The following BIRC6 variants were observed in gnomAD, a reference collection of about 807,000 sequenced individuals.
The protein encoded by BIRC6 is dual E2 ubiquitin-conjugating enzyme/E3 ubiquitin-protein ligase BIRC6.
BIRC6 carries 98 observed loss-of-function variants against 503.3 expected under a neutral mutation model. The ratio of observed to expected loss-of-function variants is 0.19; its 90% CI spans 0.17 to 0.23. The LOEUF (loss-of-function observed/expected upper bound fraction) is 0.23. Among genes scored for constraint, BIRC6 ranks in the 10% least tolerant of loss-of-function variants. BIRC6 has a pLI of 1.00. For missense variants in BIRC6, 5,360 were observed against 5,806.0 expected (o/e 0.92, Z 2.50); for synonymous variants, 2,240 against 2,078.7 (o/e 1.08, Z -2.11).
At chr2:32,472,950 T>G in intron 32 of BIRC6, 162 bp from the exon 33 acceptor site, 2 of 586,800 alleles carry the variant, frequency 3.4e-6, no homozygotes, top group Non-Finnish European at 5.8e-6. Context: ...CCAGTCTTTA[T>G]AGAATCAGAT....
At chr2:32,550,113 A>G (rs969065784) in intron 65 of BIRC6, among the ~76,000 whole-genome samples, 1 of 152,192 alleles carries the variant, frequency 6.6e-6, no homozygotes, top group African/African-American at 2.4e-5. Context: ...AGCAGTTAAC[A>G]TCTATTTCTT....
intron 66 of BIRC6, among the ~76,000 whole-genome samples, chr2:32,580,913 T>C (rs1474844899): frequency 6.6e-6 from 1 of 152,226 alleles, no homozygotes; most frequent in African/African-American, 2.4e-5. Context: ...TATTGGCAAC[T>C]GCAGATTTAT....
intron 10 of BIRC6, among the ~76,000 whole-genome samples, chr2:32,422,271 C>G (rs561896362): frequency 2.0e-5 from 3 of 152,120 alleles, no homozygotes; most frequent in Non-Finnish European, 4.4e-5. Flanking sequence ...TGACTTTACG[C>G]TTAAGGTAAT....
chr2:32,560,636 A>C lies in BIRC6; in HGVS notation c.13144+11155A>C, dbSNP rs571129154. On this transcript the variant is annotated intron_variant, in intron 65 of 73. Transcript: ENST00000421745. ...TTCTCTGCCACCCGGGCTGGAGTGC[A>C]GTGGTGTGCTCATAGGGCACTGCAG... is the stretch of plus-strand genomic sequence containing the variant. 3.3e-5 allele frequency among the ~76,000 whole-genome samples: 5 copies of C among 152,228 alleles called. No homozygotes were observed. The East Asian group carries it at 5.8e-4, about 18-fold the overall frequency.
intron 65 of BIRC6, among the ~76,000 whole-genome samples, chr2:32,568,296 G>A (rs1202201069): frequency 1.3e-5 from 2 of 150,688 alleles, no homozygotes; most frequent in African/African-American, 4.9e-5. Context: ...TTCGAGACCA[G>A]CCTGGGCAAC....
intron 1 of BIRC6, among the ~76,000 whole-genome samples, chr2:32,360,266 T>C (rs1038739531): frequency 2.0e-5 from 3 of 152,222 alleles, no homozygotes; most frequent in Non-Finnish European, 4.4e-5. Context: ...TGTATGTATA[T>C]GTATTGAGTG....
At chr2:32,436,292 G>A (rs767729239) in intron 15 of BIRC6, 108 bp downstream of exon 15, 133 of 1,059,640 alleles carry the variant, frequency 1.3e-4, no homozygotes, top group Middle Eastern at 1.2e-3. Context: ...TGGGACTTTC[G>A]TTCGAAATTT....
chr2:32,441,587 T>C (rs1437733507), intron 17 of BIRC6, 125 bp downstream of exon 17: 9 of 840,146 alleles, frequency 1.1e-5, no homozygotes, highest in Non-Finnish European at 1.6e-5. Context: ...TTTTCTTAAA[T>C]AATTATAATT....
chr2:32,595,014 C>T lies in BIRC6; in HGVS notation c.13502-20C>T, dbSNP rs1417891090. On this transcript the variant is annotated intron_variant, in intron 67 of 73. Transcript: ENST00000421745. Reference sequence around the variant, plus strand: ...TACTTAAAATGTATATGTTATTTATCTTGAAATATTAAATAACAGAAAAAA... The same window carrying T: ...TACTTAAAATGTATATGTTATTTATTTTGAAATATTAAATAACAGAAAAAA... The T allele has an allele frequency of 1.4e-6, 2 of 1,381,786 alleles. No individual in the cohort carries two copies. The highest frequency in any genetic ancestry group is 2.1e-5 in the Admixed American group (1 of 47,716). 85.6% of individuals were successfully genotyped at this position (1,381,786 alleles called of 1,614,324 possible).
In BIRC6 at chr2:32,518,368, G is replaced by C; in HGVS notation, c.11464G>C (p.Val3822Leu). The C allele has an allele frequency of 1.2e-6, 2 of 1,609,470 alleles. No homozygotes were observed. The highest frequency in any genetic ancestry group is 1.7e-6 in the Non-Finnish European group (2 of 1,178,902). ...FLQLMLEDEK[V>L]TMFLQSPCPL... is the part of the protein sequence containing the mutation. Reference sequence around the variant, plus strand: ...ACAGTTGATGCTGGAAGATGAGAAAGTGACAATGTTTCTTCAGTCTCCATG... The same window carrying C: ...ACAGTTGATGCTGGAAGATGAGAAACTGACAATGTTTCTTCAGTCTCCATG... Residue 3822 changes from valine (V) to leucine (L), a missense_variant, in exon 56 of 74, where the codon GTG becomes CTG. Transcript: ENST00000421745.
intron 65 of BIRC6, chr2:32,563,782 G>A (rs1450052531): frequency 6.6e-6 from 1 of 151,704 alleles, no homozygotes; most frequent in African/African-American, 2.4e-5. Context: ...ACCTCATAAA[G>A]AACCCTGTAC....
At chr2:32,464,949 T>A in intron 25 of BIRC6, 116 bp from the exon 26 acceptor site, 1 of 1,349,718 alleles carries the variant, frequency 7.4e-7, no homozygotes, top group Non-Finnish European at 1.0e-6. Flanking sequence ...TTATAAAATA[T>A]TACAGTACAT....
At chr2:32,474,084 TGTAAGAAGA>T (rs2049434809) in intron 33 of BIRC6, among the ~76,000 whole-genome samples, 1 of 152,118 alleles carries the variant, frequency 6.6e-6, no homozygotes, top group Non-Finnish European at 1.5e-5. Context: ...TGCTTTAAGA[TGTAAGAAGA>T]TTCTATATGA....
Position 32,597,863 on chromosome 2 carries a change from T to C in BIRC6, c.13725T>C (p.Ala4575=). 1.9e-6 allele frequency: 3 copies of C among 1,613,896 alleles called. No individual in the cohort carries two copies. Among genetic ancestry groups the C allele is most frequent in the Non-Finnish European group, 2.5e-6 (3 of 1,179,844 alleles). ...ATGATGCGAACAGTGCTGCCAGAGC[T>C]CGCCGCCTTGCCCAGGAAGCTGTGA... is the stretch of plus-strand genomic sequence containing the variant. The part of the protein sequence containing the change: ...NANDANSAAR[A]RRLAQEAVTL... Residue 4575 remains alanine (A), a synonymous_variant, in exon 69 of 74, where the codon GCT becomes GCC. Coordinates refer to ENST00000421745, the MANE Select transcript of BIRC6 (RefSeq NM_016252.4).
chr2:32,445,541 G>A lies in BIRC6; in HGVS notation c.4357G>A (p.Val1453Ile). The change falls in exon 21 of 74, where the codon GTC becomes ATC. Residue 1453 changes from valine to isoleucine, a missense_variant. Val to Ile is a conservative substitution (Grantham distance 29). Transcript: ENST00000421745. ...TCCAGGTTCTGTCTATTGGTATTTT[G>A]TCTTACTGAATTATGTGAAAGATGA... Reference protein sequence around the residue: ...TTGGSVYWYFVLLNYVKDEDL... With the variant: ...TTGGSVYWYFILLNYVKDEDL... 1.9e-6 allele frequency: 3 copies of A among 1,588,662 alleles called. No homozygotes were observed. The highest frequency in any genetic ancestry group is 2.6e-6 in the Non-Finnish European group (3 of 1,168,480).
intron 1 of BIRC6, among the ~76,000 whole-genome samples, chr2:32,373,424 A>G (rs1458851329): frequency 6.6e-6 from 1 of 152,226 alleles, no homozygotes; most frequent in Non-Finnish European, 1.5e-5. Flanking sequence ...CGAGAAATAA[A>G]CTATTGCATA....
intron 22 of BIRC6, among the ~76,000 whole-genome samples, chr2:32,449,413 T>G (rs1182156365): frequency 6.6e-6 from 1 of 152,222 alleles, no homozygotes; most frequent in Admixed American, 6.5e-5. Flanking sequence ...GTATATCCTT[T>G]TATACTTTCT....
At position 32,388,769 on chromosome 2, in the gene BIRC6, A is replaced by G. The variant is rs781593695; in HGVS notation, c.665A>G (p.His222Arg). 4 of 1,603,252 alleles carry G rather than the reference A, an allele frequency of 2.5e-6. No individual in the cohort carries two copies. The highest frequency in any genetic ancestry group is 3.5e-5 in the Admixed American group (2 of 57,608). Residue 222 changes from histidine (H) to arginine (R), a missense_variant, in exon 4 of 74, where the codon CAT (histidine) becomes CGT (arginine). By Grantham distance (29) the His-to-Arg change is conservative. Transcript: ENST00000421745. ...KVAKWATVTF[H>R]LPHHVLKSIA... ...TTTCAGTGGGCCACAGTTACATTTC[A>G]TCTTCCTCATCATGTGTTGAAGTCC...
At chr2:32,553,732 A>G (rs942336531) in intron 65 of BIRC6, among the ~76,000 whole-genome samples, 49 of 152,296 alleles carry the variant, frequency 3.2e-4, no homozygotes, top group African/African-American at 1.1e-3. Flanking sequence ...GTTTGGTGGC[A>G]TTACAGCAGA....
Sources: allele counts gnomAD v4.1 joint callset (sites outside exome capture counted in the v4.1 genomes callset), GRCh38; gene constraint gnomAD v4.1.1; transcripts MANE v1.5; gene names NCBI Gene and HGNC (gene_info 2026-07-23, HGNC 2026-07-21).